HPSE2: variants seen among roughly 807,000 people sequenced by gnomAD.
HPSE2 encodes the protein inactive heparanase-2.
In HPSE2, 38 loss-of-function variants were observed where a neutral mutation model predicts 60.5. That is an observed-to-expected ratio of 0.63 (90% CI 0.48 to 0.82). The LOEUF (loss-of-function observed/expected upper bound fraction) is 0.82, where lower values mean the gene tolerates loss of function less well. HPSE2 is among the 40% of genes least tolerant of loss of function. The pLI is 0.00. For synonymous variants in HPSE2, 295 were observed against 293.2 expected (o/e 1.01, Z -0.06); for missense variants, 713 against 740.4 (o/e 0.96, Z 0.43).
At chr10:98,589,117 G>A (rs1410515417) in intron 9 of HPSE2, among the ~76,000 whole-genome samples, 2 of 152,126 alleles carry the variant, frequency 1.3e-5, no homozygotes, top group African/African-American at 4.8e-5. Context: ...GTGTAAGGAC[G>A]ATGGGTGCAC....
intron 7 of HPSE2, among the ~76,000 whole-genome samples, chr10:98,637,065 T>C (rs1003110958): frequency 6.6e-6 from 1 of 152,226 alleles, no homozygotes; most frequent in Admixed American, 6.5e-5. Flanking sequence ...ATGATCATCA[T>C]CATTCTAATG....
At chr10:99,110,275 G>T (rs895345266) in intron 3 of HPSE2, among the ~76,000 whole-genome samples, 2 of 152,158 alleles carry the variant, frequency 1.3e-5, no homozygotes, top group African/African-American at 4.8e-5. Context: ...AGCCTAGTTG[G>T]CTCTTCAGCC....
chr10:99,227,835 G>GTC (rs1217497328), intron 2 of HPSE2, among the ~76,000 whole-genome samples: 1 of 129,508 alleles, frequency 7.7e-6, no homozygotes, highest in Non-Finnish European at 1.7e-5. Flanking sequence ...AAAGTTGAAT[G>GTC]TCTATATATA....
chr10:98,558,568 A>C (rs1944081317), intron 9 of HPSE2, among the ~76,000 whole-genome samples: 1 of 152,168 alleles, frequency 6.6e-6, no homozygotes, highest in Non-Finnish European at 1.5e-5. Context: ...ATTCCACATC[A>C]TTTGCAGTCA....
At chr10:98,693,071 G>T (rs1189986723) in intron 6 of HPSE2, among the ~76,000 whole-genome samples, 2 of 152,226 alleles carry the variant, frequency 1.3e-5, no homozygotes, top group Admixed American at 6.5e-5. Context: ...GGCAGGAAGG[G>T]TTAGAGTAAT....
chr10:99,198,449 A>T (rs1848472558), intron 2 of HPSE2, among the ~76,000 whole-genome samples: 1 of 152,162 alleles, frequency 6.6e-6, no homozygotes, highest in Admixed American at 6.5e-5. Flanking sequence ...TGATTCTCCA[A>T]CGTTTTTATT....
In HPSE2 at chr10:98,460,620, CA is replaced by C. The variant is rs1940247851; in HGVS notation, c.1614-882del. Among the ~76,000 whole-genome samples, 3 of 151,878 alleles carry C rather than the reference CA, an allele frequency of 2.0e-5. No individual in the cohort carries two copies. The South Asian group carries it at 6.2e-4, about 31-fold the overall frequency. On this transcript the variant is annotated intron_variant, in intron 11 of 11. Transcript: ENST00000370552. ...AGAGAAACTCTGTCCCTAAAAAAAACAAAAAATGAGTTTTCATATTTAATAT... is the reference window on the plus strand; with the variant it reads ...AGAGAAACTCTGTCCCTAAAAAAAACAAAAATGAGTTTTCATATTTAATAT...
intron 2 of HPSE2, among the ~76,000 whole-genome samples, chr10:99,154,062 A>C (rs1846411404): frequency 6.6e-6 from 1 of 151,458 alleles, no homozygotes; most frequent in African/African-American, 2.4e-5. Context: ...AAAAAGAATA[A>C]AAAGAAATGA....
chr10:99,297,213 C>T, the HPSE2 span, among the ~76,000 whole-genome samples: 3 of 152,180 alleles, frequency 2.0e-5, no homozygotes, highest in Admixed American at 2.0e-4. Flanking sequence ...TGCAGTCTGC[C>T]TCATGTGACA....
chr10:98,944,546 GCAACC>G (rs1334941996), intron 3 of HPSE2, among the ~76,000 whole-genome samples: 2 of 152,128 alleles, frequency 1.3e-5, no homozygotes, highest in African/African-American at 4.8e-5. Context: ...AGTCTGGAAA[GCAACC>G]CATTTTATGC....
At chr10:98,970,168 G>C (rs976958665) in intron 3 of HPSE2, among the ~76,000 whole-genome samples, 1 of 152,088 alleles carries the variant, frequency 6.6e-6, no homozygotes, top group African/African-American at 2.4e-5. Context: ...CACCACGTTG[G>C]CCAGGTTGGT....
the HPSE2 span, among the ~76,000 whole-genome samples, chr10:99,263,485 C>CGA: frequency 2.0e-5 from 3 of 152,184 alleles, no homozygotes; most frequent in African/African-American, 7.2e-5. Flanking sequence ...AATAAAAACT[C>CGA]TTCTCAAGAC....
Position 99,186,135 on chromosome 10 carries a change from C to T in HPSE2, c.449-41736G>A, listed in dbSNP as rs531076175. Among the ~76,000 whole-genome samples, 302 of 150,904 alleles carry T rather than the reference C, an allele frequency of 2.0e-3. 1 individual carries two copies. The highest frequency in any genetic ancestry group is 7.0e-3 in the African/African-American group (284 of 40,840). ...ACACACACACACACACACACACACA[C>T]ACACACACACACACACACAAGGCAT... On this transcript the variant is annotated intron_variant, in intron 2 of 11. Coordinates refer to ENST00000370552, the MANE Select transcript of HPSE2 (RefSeq NM_021828.5).
intron 7 of HPSE2, among the ~76,000 whole-genome samples, chr10:98,628,617 C>T (rs916912586): frequency 1.3e-5 from 2 of 152,056 alleles, no homozygotes; most frequent in Non-Finnish European, 2.9e-5. Context: ...TCTTCTGTTC[C>T]CAAATAGACT....
At chr10:98,867,757 C>G (rs574674320) in intron 3 of HPSE2, among the ~76,000 whole-genome samples, 10 of 152,170 alleles carry the variant, frequency 6.6e-5, no homozygotes, top group African/African-American at 2.2e-4. Flanking sequence ...GTTCAACAGA[C>G]GAATGGATAA....
intron 3 of HPSE2, among the ~76,000 whole-genome samples, chr10:98,948,469 G>T (rs1199918681): frequency 6.6e-6 from 1 of 152,112 alleles, no homozygotes; most frequent in Non-Finnish European, 1.5e-5. Flanking sequence ...GCCAGAAAAC[G>T]AATTGACATT....
Position 98,853,554 on chromosome 10 carries a change from T to C in HPSE2, c.611-109498A>G, listed in dbSNP as rs72836743. On this transcript the variant is annotated intron_variant, in intron 3 of 11. Coordinates refer to ENST00000370552, the MANE Select transcript of HPSE2 (RefSeq NM_021828.5). Reference sequence around the variant, plus strand: ...TCATCTCGTCCCTTTTCCGCACATATCATTAGGAAAAATGTTTTGCCATAG... The same window carrying C: ...TCATCTCGTCCCTTTTCCGCACATACCATTAGGAAAAATGTTTTGCCATAG... 5.5e-3 allele frequency among the ~76,000 whole-genome samples: 830 copies of C among 152,256 alleles called. 8 individuals carry two copies. The highest frequency in any genetic ancestry group is 9.2e-3 in the Non-Finnish European group (624 of 68,008).
At chr10:99,054,320 T>A (rs1455838281) in intron 3 of HPSE2, among the ~76,000 whole-genome samples, 1 of 152,216 alleles carries the variant, frequency 6.6e-6, no homozygotes, top group Non-Finnish European at 1.5e-5. Context: ...GCAGAGTTCC[T>A]GGCCCTATCA....
At chr10:98,794,373 A>C (rs769835667) in intron 3 of HPSE2, among the ~76,000 whole-genome samples, 3 of 151,824 alleles carry the variant, frequency 2.0e-5, no homozygotes, top group Non-Finnish European at 2.9e-5. Flanking sequence ...CCTCCTGAGT[A>C]GCTGGGATTA....
Sources: allele counts gnomAD v4.1 joint callset (sites outside exome capture counted in the v4.1 genomes callset), GRCh38; gene constraint gnomAD v4.1.1; transcripts MANE v1.5; gene names NCBI Gene and HGNC (gene_info 2026-07-23, HGNC 2026-07-21).